Variants in STRN observed in about 807,000 individuals in gnomAD.
STRN encodes the protein protein phosphatase 2 regulatory subunit B'''alpha.
STRN carries 53 observed loss-of-function variants against 96.3 expected under a neutral mutation model. The ratio of observed to expected loss-of-function variants is 0.55; its 90% confidence interval spans 0.44 to 0.69. STRN has a LOEUF of 0.69. STRN is among the 30% of genes least tolerant of loss of function. The probability of loss-of-function intolerance (pLI) is 0.00; values close to 1 mark genes in which losing one functional copy is unlikely to be tolerated. For synonymous variants in STRN, 428 were observed against 355.9 expected, an observed-to-expected ratio of 1.20 and a Z score of -2.28; for missense variants, 987 against 963.9, an observed-to-expected ratio of 1.02 and a Z score of -0.32.
At chr2:36,852,161 AATG>A (rs1309605255) in intron 15 of STRN, among the ~76,000 whole-genome samples, 4 of 152,202 alleles carry the variant, frequency 2.6e-5, no homozygotes, top group Non-Finnish European at 5.9e-5. Flanking sequence ...TTGGTTCCTA[AATG>A]ATCACACATT....
chr2:36,931,826 CATTT>C (rs1670581006), intron 1 of STRN, among the ~76,000 whole-genome samples: 1 of 152,146 alleles, frequency 6.6e-6, no homozygotes, highest in Non-Finnish European at 1.5e-5. Context: ...CTTGCTTATT[CATTT>C]ATTTGTTTAT....
chr2:36,865,327 T>C (rs1185602799), intron 12 of STRN, among the ~76,000 whole-genome samples: 1 of 152,224 alleles, frequency 6.6e-6, no homozygotes, highest in Non-Finnish European at 1.5e-5. Context: ...TAATATTACA[T>C]TTATCATTTC....
intron 6 of STRN, among the ~76,000 whole-genome samples, chr2:36,897,609 T>G (rs1447201401): frequency 2.6e-5 from 4 of 151,658 alleles, no homozygotes; most frequent in Non-Finnish European, 5.9e-5. Context: ...CTAATTTTTT[T>G]TGTATTTTTA....
intron 1 of STRN, among the ~76,000 whole-genome samples, chr2:36,940,146 A>C (rs1402800155): frequency 1.3e-5 from 2 of 152,238 alleles, no homozygotes; most frequent in Non-Finnish European, 2.9e-5. Context: ...TTACTGAAGA[A>C]ATGAACATTA....
At position 36,841,173 on chromosome 2, in the gene STRN, T is replaced by C. The variant is rs965581449; in HGVS notation, c.*8283A>G. On this transcript the variant is annotated 3_prime_UTR_variant, in exon 18 of 18. Transcript: ENST00000263918. Reference sequence around the variant, plus strand: ...AAATAAGGAGCACATTCTTTTTTTTTTTTTTTAATCAAATCGATTCTGACA... The same window carrying C: ...AAATAAGGAGCACATTCTTTTTTTTCTTTTTTAATCAAATCGATTCTGACA... 6.6e-6 allele frequency: 1 copy of C among 152,204 alleles called. No individual in the cohort carries two copies. The highest frequency in any genetic ancestry group is 6.5e-5 in the Admixed American group (1 of 15,292). The allele number at this position is 152,204 out of a possible 1,614,324, so 9.4% of individuals were successfully genotyped here.
chr2:36,916,057 CT>C lies in STRN; in HGVS notation c.412+20del. 6.3e-7 allele frequency: 1 copy of C among 1,597,220 alleles called. No individual in the cohort carries two copies. Among genetic ancestry groups the C allele is most frequent in the East Asian group, 2.2e-5 (1 of 44,720 alleles). On this transcript the variant is annotated intron_variant, in intron 3 of 17. Coordinates refer to ENST00000263918, the MANE Select transcript of STRN (RefSeq NM_003162.4). The stretch of plus-strand genomic sequence containing the variant: ...CATTAACTTCTTTTTAACACTTAAA[CT>C]TCCATTAAAATTAGCTTACCAGAAT...
intron 1 of STRN, among the ~76,000 whole-genome samples, chr2:36,943,980 C>T (rs775098100): frequency 1.3e-5 from 2 of 151,896 alleles, no homozygotes; most frequent in Non-Finnish European, 2.9e-5. Flanking sequence ...ATTAGCTGGA[C>T]GTGGTGGCGG....
At chr2:36,962,135 C>T (rs922443243) in intron 1 of STRN, among the ~76,000 whole-genome samples, 1 of 152,138 alleles carries the variant, frequency 6.6e-6, no homozygotes, top group African/African-American at 2.4e-5. Flanking sequence ...TGTTGTATCT[C>T]CGGTATCTAG....
rs2148288879 is a variant in STRN at position 36,966,478 on chromosome 2, C to A, written c.-15G>T. The A allele has an allele frequency of 7.0e-7, 1 of 1,429,218 alleles. No homozygotes were observed. 88.5% of individuals were successfully genotyped at this position (1,429,218 alleles called of 1,614,324 possible). A position where few individuals can be genotyped will look rare whatever the true frequency, so the allele number is the denominator to read the frequency against. ...TGCTCGTCCATGGCGGCCGCAGATA[C>A]CCGGGGAGCTGCCCCGGCGCCCAGC... On this transcript the variant is annotated 5_prime_UTR_variant, in exon 1 of 18. Transcript: ENST00000263918.
chr2:36,929,533 C>T (rs538166063), intron 1 of STRN, among the ~76,000 whole-genome samples: 1 of 152,186 alleles, frequency 6.6e-6, no homozygotes, highest in East Asian at 1.9e-4. Context: ...TACAGGTGCA[C>T]ACCACCACGC....
chr2:36,915,146 G>A (rs1270675204), intron 3 of STRN, among the ~76,000 whole-genome samples: 4 of 146,896 alleles, frequency 2.7e-5, no homozygotes, highest in African/African-American at 5.0e-5. Context: ...GCAGTGAGCC[G>A]AGATCATGCC....
At chr2:36,919,878 T>A (rs1226879643) in intron 2 of STRN, among the ~76,000 whole-genome samples, 1 of 152,198 alleles carries the variant, frequency 6.6e-6, no homozygotes. Context: ...TTATACACTA[T>A]GTAATCTTGA....
chr2:36,854,072 C>T (rs1379620919), intron 15 of STRN, among the ~76,000 whole-genome samples: 1 of 152,102 alleles, frequency 6.6e-6, no homozygotes, highest in Non-Finnish European at 1.5e-5. Flanking sequence ...TCTTATCTAC[C>T]AGACTTGACA....
In STRN at chr2:36,902,960, G is replaced by A. The variant is rs145481262; in HGVS notation, c.492-209C>T. ...AGCCTCTACAGTCACTGAGAAAAATGAGAGAACTATACAATACACCATTCA... is the reference window on the plus strand; with the variant it reads ...AGCCTCTACAGTCACTGAGAAAAATAAGAGAACTATACAATACACCATTCA... On this transcript the variant is annotated intron_variant, in intron 4 of 17. Transcript: ENST00000263918. 665 of 344,846 alleles carry A rather than the reference G, an allele frequency of 1.9e-3. 2 individuals carry two copies. Among genetic ancestry groups the A allele is most frequent in the African/African-American group, 0.013 (612 of 47,596 alleles). 21.4% of individuals were successfully genotyped at this position (344,846 alleles called of 1,614,324 possible).
At chr2:36,918,842 T>C (rs1670175396) in intron 2 of STRN, among the ~76,000 whole-genome samples, 1 of 152,204 alleles carries the variant, frequency 6.6e-6, no homozygotes, top group African/African-American at 2.4e-5. Context: ...CAGCTCACTG[T>C]GTTAACCAAT....
chr2:36,899,504 T>A lies in STRN; in HGVS notation c.795+19A>T. ...ATAGTCCCTAAAAATATTTATATTG[T>A]ATGAGTTATCTAACTCACTGTTGAA... On this transcript the variant is annotated intron_variant, in intron 6 of 17. Coordinates refer to ENST00000263918, the MANE Select transcript of STRN (RefSeq NM_003162.4). The A allele has an allele frequency of 6.2e-7, 1 of 1,601,020 alleles. No homozygotes were observed. The highest frequency in any genetic ancestry group is 2.2e-5 in the East Asian group (1 of 44,720).
chr2:36,887,148 G>T (rs1026080667), intron 7 of STRN, among the ~76,000 whole-genome samples: 6 of 151,538 alleles, frequency 4.0e-5, no homozygotes, highest in Non-Finnish European at 8.8e-5. Flanking sequence ...GAACTTCTCG[G>T]CCAGGTGGGG....
chr2:36,844,741 T>C lies in STRN; in HGVS notation c.*4715A>G, dbSNP rs2148114518. On this transcript the variant is annotated 3_prime_UTR_variant, in exon 18 of 18. Coordinates refer to ENST00000263918, the MANE Select transcript of STRN (RefSeq NM_003162.4). The stretch of plus-strand genomic sequence containing the variant: ...TGTTAAATACTTTGTCAACCTGGCA[T>C]CCCTGACACTGACATGAAGATCCAG... 1 of 152,230 alleles carries C rather than the reference T, an allele frequency of 6.6e-6. No individual in the cohort carries two copies. Among genetic ancestry groups the C allele is most frequent in the Middle Eastern group, 3.4e-3 (1 of 294 alleles). 9.4% of individuals were successfully genotyped at this position (152,230 alleles called of 1,614,324 possible).
intron 1 of STRN, among the ~76,000 whole-genome samples, chr2:36,933,353 G>A (rs1401244687): frequency 1.3e-5 from 2 of 152,026 alleles, no homozygotes; most frequent in Non-Finnish European, 2.9e-5. Flanking sequence ...TATTGGATGG[G>A]GGAGTTCCCG....
Sources: gnomAD v4.1 joint callset for allele counts (sites outside exome capture counted in the v4.1 genomes callset) on GRCh38, gnomAD v4.1.1 for gene constraint, MANE v1.5 for transcripts, NCBI Gene and HGNC (gene_info 2026-07-23, HGNC 2026-07-21) for gene names.